Variants in HTR2C observed in about 807,000 individuals in gnomAD.
HTR2C encodes 5-hydroxytryptamine receptor 2C, also known as 5-hydroxytryptamine (serotonin) receptor 2C, G protein-coupled.
HTR2C carries 5 observed loss-of-function variants against 21.0 expected under a neutral mutation model. The observed-to-expected ratio is 0.24, with a 90% CI of 0.12 to 0.50. The LOEUF (loss-of-function observed/expected upper bound fraction) is 0.50, where lower values mean the gene tolerates loss of function less well. Among genes scored for constraint, HTR2C ranks in the 20% least tolerant of loss-of-function variants. The probability of loss-of-function intolerance (pLI) is 0.98; values close to 1 mark genes in which losing one functional copy is unlikely to be tolerated. For synonymous variants in HTR2C, 150 were observed against 145.3 expected (o/e 1.03, Z -0.23); for missense variants, 271 against 371.2 (o/e 0.73, Z 2.22).
chrX:114,688,533 G>A (rs1556414611), intron 2 of HTR2C, among the ~76,000 whole-genome samples: 1 of 111,300 alleles, frequency 9.0e-6, no homozygotes, highest in Non-Finnish European at 1.9e-5. Flanking sequence ...TGGTTCAGCT[G>A]AATTATACAT....
intron 2 of HTR2C, among the ~76,000 whole-genome samples, chrX:114,667,225 AACAAT>A (rs782230852): frequency 6.3e-5 from 7 of 111,439 alleles, no homozygotes; most frequent in Non-Finnish European, 1.3e-4. Flanking sequence ...CTTAGAGAAA[AACAAT>A]AAAAATTAAT....
At chrX:114,614,557 G>A (rs1321297229) in intron 2 of HTR2C, among the ~76,000 whole-genome samples, 1 of 110,980 alleles carries the variant, frequency 9.0e-6, no homozygotes, top group Non-Finnish European at 1.9e-5. Flanking sequence ...ACCTAGCCCA[G>A]CCTGCTTTCA....
intron 4 of HTR2C, chrX:114,774,890 C>T: frequency 1.9e-6 from 1 of 538,605 alleles, no homozygotes; most frequent in Non-Finnish European, 3.4e-6. Context: ...GCTCCACCAC[C>T]AGGGAATCCC....
chrX:114,862,651 G>C (rs1207745405), intron 5 of HTR2C, among the ~76,000 whole-genome samples: 1 of 110,469 alleles, frequency 9.1e-6, no homozygotes, highest in African/African-American at 3.3e-5. Flanking sequence ...TATAATAGTT[G>C]TACATATTTT....
intron 4 of HTR2C, chrX:114,776,585 G>C: frequency 1.9e-6 from 1 of 525,430 alleles, no homozygotes. Context: ...AACCGTGTTG[G>C]TGGGGTTCAT....
intron 2 of HTR2C, among the ~76,000 whole-genome samples, chrX:114,638,436 T>C (rs1468069756): frequency 9.0e-6 from 1 of 111,477 alleles, no homozygotes; most frequent in Non-Finnish European, 1.9e-5. Flanking sequence ...ATGGAATCCT[T>C]GTACAATTTT....
intron 4 of HTR2C, among the ~76,000 whole-genome samples, chrX:114,814,246 A>G (rs782798934): frequency 4.4e-4 from 49 of 110,891 alleles, no homozygotes; most frequent in Admixed American, 8.8e-4. Flanking sequence ...ATTCTTCATG[A>G]TATAGTATGC....
At chrX:114,708,694 C>A (rs1012660156) in intron 2 of HTR2C, among the ~76,000 whole-genome samples, 25 of 110,783 alleles carry the variant, frequency 2.3e-4, no homozygotes, top group African/African-American at 7.9e-4. Context: ...TTAGTCCTAC[C>A]TACTAGGTAG....
At chrX:114,732,609 G>A (rs1009068764) in intron 4 of HTR2C, among the ~76,000 whole-genome samples, 24 of 111,576 alleles carry the variant, frequency 2.2e-4, no homozygotes, top group Middle Eastern at 4.3e-3. Context: ...TTTATAAAGT[G>A]TTCTCAGAAT....
At chrX:114,743,483 A>T (rs2069672079) in intron 4 of HTR2C, among the ~76,000 whole-genome samples, 1 of 112,331 alleles carries the variant, frequency 8.9e-6, no homozygotes, top group Admixed American at 9.5e-5. Flanking sequence ...AAATTTAAAA[A>T]ATATATAGCA....
At position 114,906,688 on chromosome X, in the gene HTR2C, T is replaced by C. The variant is rs782188199; in HGVS notation, c.650T>C (p.Ile217Thr). The change falls in exon 6 of 6, where the codon ATT (isoleucine) becomes ACT (threonine). Residue 217 changes from isoleucine to threonine, a missense_variant. By Grantham distance (89) the Ile-to-Thr change is moderately conservative. This residue lies in a region of HTR2C where 192 missense variants were observed against 247.2 expected (regional missense o/e 0.78). Coordinates refer to ENST00000276198, the MANE Select transcript of HTR2C (RefSeq NM_000868.4). ...CVLNDPNFVLIGSFVAFFIPL... is the reference protein window; with the variant it reads ...CVLNDPNFVLTGSFVAFFIPL... ...CTCAACGACCCAAATTTCGTTCTTA[T>C]TGGGTCCTTCGTAGCTTTCTTCATA... The C allele has an allele frequency of 5.0e-6, 6 of 1,208,807 alleles. No homozygotes were observed. In the Admixed American group the frequency reaches 8.8e-5, roughly 18 times the overall value.
chrX:114,733,391 C>T (rs1556423785), intron 4 of HTR2C, among the ~76,000 whole-genome samples: 1 of 107,331 alleles, frequency 9.3e-6, no homozygotes, highest in Non-Finnish European at 1.9e-5. Context: ...GCTTGGGCGA[C>T]AGAGCAATAC....
At chrX:114,658,787 C>T (rs1427476409) in intron 2 of HTR2C, among the ~76,000 whole-genome samples, 2 of 111,496 alleles carry the variant, frequency 1.8e-5, no homozygotes, top group Non-Finnish European at 3.8e-5. Flanking sequence ...CATCATCAGG[C>T]AAACACACAG....
rs75364099 is a variant in HTR2C, at chrX:114,853,984, C to A, written c.550+5781C>A. ...ATCTGTATACTAATTTAGGTGGTGGCCACTCTGTCTTCCAAACTTTACTGC... is the reference window on the plus strand; with the variant it reads ...ATCTGTATACTAATTTAGGTGGTGGACACTCTGTCTTCCAAACTTTACTGC... On this transcript the variant is annotated intron_variant, in intron 5 of 5. Transcript: ENST00000276198. Among the ~76,000 whole-genome samples the A allele has an allele frequency of 1.8e-4, 20 of 111,536 alleles. No individual in the cohort carries two copies. In the East Asian group the frequency reaches 5.6e-3, roughly 31 times the overall value.
chrX:114,625,183 T>C (rs782326706), intron 2 of HTR2C, among the ~76,000 whole-genome samples: 1 of 111,401 alleles, frequency 9.0e-6, no homozygotes, highest in Non-Finnish European at 1.9e-5. Flanking sequence ...TCTGCCATGA[T>C]TGGAAGCACC....
intron 4 of HTR2C, among the ~76,000 whole-genome samples, chrX:114,830,888 C>T (rs1348815552): frequency 4.2e-5 from 3 of 71,151 alleles, no homozygotes; most frequent in Non-Finnish European, 8.0e-5. Context: ...TGATATTCCC[C>T]TTCCTGTGTC....
intron 5 of HTR2C, among the ~76,000 whole-genome samples, chrX:114,858,186 G>A (rs2070978441): frequency 9.1e-6 from 1 of 110,236 alleles, no homozygotes; most frequent in Admixed American, 9.8e-5. Flanking sequence ...CTAGCCTAAG[G>A]CCTTTTCATT....
intron 3 of HTR2C, among the ~76,000 whole-genome samples, chrX:114,731,018 G>A (rs1407463975): frequency 1.8e-5 from 2 of 111,314 alleles, no homozygotes; most frequent in Admixed American, 1.9e-4. Context: ...GACATCATGA[G>A]GTTGTTTAAT....
At chrX:114,698,051 G>T (rs1282560672) in intron 2 of HTR2C, among the ~76,000 whole-genome samples, 5 of 111,948 alleles carry the variant, frequency 4.5e-5, no homozygotes, top group Admixed American at 2.8e-4. Context: ...TTCCTTGCTG[G>T]CTATCAGCCA....
Sources: gnomAD v4.1 joint callset for allele counts (sites outside exome capture counted in the v4.1 genomes callset) on GRCh38, gnomAD v4.1.1 for gene constraint, gnomAD v4.1.1 regional missense constraint, MANE v1.5 for transcripts, NCBI Gene and HGNC (gene_info 2026-07-23, HGNC 2026-07-21) for gene names.